The following RSF1 variants were observed in gnomAD, a reference collection of about 807,000 sequenced individuals.
The protein encoded by RSF1 is HBV pX-associated protein 8.
In RSF1, 13 loss-of-function variants were observed where a neutral mutation model predicts 145.2. The ratio of observed to expected loss-of-function variants is 0.09; its 90% CI spans 0.06 to 0.14. The LOEUF is 0.14. Ranked by LOEUF, RSF1 falls within the 10% of genes least tolerant of loss-of-function variation. RSF1 has a pLI of 1.00. For synonymous variants in RSF1, 577 were observed against 592.6 expected (o/e 0.97, Z 0.38); for missense variants, 1,517 against 1,718.2 (o/e 0.88, Z 2.07).
chr11:77,669,163 T>C (rs982776306), intron 15 of RSF1, among the ~76,000 whole-genome samples: 1 of 152,194 alleles, frequency 6.6e-6, no homozygotes, highest in Admixed American at 6.5e-5. Flanking sequence ...AGTAAATCCT[T>C]TGGGTCTCAC....
rs1038061654 is a variant in RSF1, at chr11:77,660,790, C to CA, written c.*6126dup. 5 of 145,124 alleles carry CA rather than the reference C, an allele frequency of 3.4e-5. No homozygotes were observed. The highest frequency in any genetic ancestry group is 1.3e-4 in the African/African-American group (5 of 37,264). 9.0% of individuals were successfully genotyped at this position (145,124 alleles called of 1,614,324 possible). ...AGGCTTCCCTTCTGAATGAGGATAG[C>CA]AAAAAACTGACGCTGGCAACACATG... is the stretch of plus-strand genomic sequence containing the variant. On this transcript the variant is annotated 3_prime_UTR_variant, in exon 16 of 16. Transcript: ENST00000308488.
intron 8 of RSF1, 125 bp downstream of exon 8, chr11:77,693,382 A>C (rs1011854437): frequency 3.6e-6 from 2 of 553,932 alleles, no homozygotes; most frequent in African/African-American, 3.8e-5. Flanking sequence ...GTAGAAATCT[A>C]AACAGAGGTA....
intron 2 of RSF1, among the ~76,000 whole-genome samples, chr11:77,755,995 T>C (rs1948111994): frequency 1.3e-5 from 2 of 152,176 alleles, no homozygotes; most frequent in Non-Finnish European, 2.9e-5. Flanking sequence ...TACAAAGGTA[T>C]TGTTTTTATC....
Position 77,662,868 on chromosome 11 carries a change from A to G in RSF1, c.*4049T>C, listed in dbSNP as rs1190806833. ...ATGAGGAATATATTTTGAGAATGTCAAACATCAGGAGAAACTGTTGTCTAG... is the reference window on the plus strand; with the variant it reads ...ATGAGGAATATATTTTGAGAATGTCGAACATCAGGAGAAACTGTTGTCTAG... On this transcript the variant is annotated 3_prime_UTR_variant, in exon 16 of 16. Transcript: ENST00000308488. The G allele has an allele frequency of 6.6e-6, 1 of 152,202 alleles. No homozygotes were observed. Among genetic ancestry groups the G allele is most frequent in the Non-Finnish European group, 1.5e-5 (1 of 68,028 alleles). 9.4% of individuals were successfully genotyped at this position (152,202 alleles called of 1,614,324 possible).
At chr11:77,745,910 G>C (rs1170158742) in intron 3 of RSF1, among the ~76,000 whole-genome samples, 1 of 151,892 alleles carries the variant, frequency 6.6e-6, no homozygotes, top group East Asian at 1.9e-4. Flanking sequence ...AAAAAAATTT[G>C]TAACACACCC....
At chr11:77,742,013 G>A (rs1947944790) in intron 3 of RSF1, among the ~76,000 whole-genome samples, 1 of 152,190 alleles carries the variant, frequency 6.6e-6, no homozygotes, top group Non-Finnish European at 1.5e-5. Flanking sequence ...CACGAAAGCA[G>A]GAATTTCCTT....
At chr11:77,820,123 TG>T (rs1948841123) in intron 1 of RSF1, among the ~76,000 whole-genome samples, 1 of 151,588 alleles carries the variant, frequency 6.6e-6, no homozygotes. Flanking sequence ...GGAGTAAGGG[TG>T]GGGAGGAGGA....
chr11:77,793,966 T>C (rs751910880), intron 1 of RSF1, among the ~76,000 whole-genome samples: 1 of 152,108 alleles, frequency 6.6e-6, no homozygotes, highest in East Asian at 1.9e-4. Context: ...GATAAAGGGA[T>C]GAATCCAGCA....
intron 1 of RSF1, among the ~76,000 whole-genome samples, chr11:77,804,304 C>T (rs557487764): frequency 2.0e-5 from 3 of 152,172 alleles, no homozygotes; most frequent in South Asian, 4.2e-4. Context: ...TGAGTCATTC[C>T]GGTGAATTAC....
rs1010839287 is a variant in RSF1 at position 77,660,287 on chromosome 11, T to A, written c.*6630A>T. 3.3e-5 allele frequency: 5 copies of A among 152,326 alleles called. No homozygotes were observed. The South Asian group carries it at 1.0e-3, about 32-fold the overall frequency. 9.4% of individuals were successfully genotyped at this position (152,326 alleles called of 1,614,324 possible). On this transcript the variant is annotated 3_prime_UTR_variant, in exon 16 of 16. Coordinates refer to ENST00000308488, the MANE Select transcript of RSF1 (RefSeq NM_016578.4). ...ACTATGCACTGCAATTCTAACACAC[T>A]AGGTGTTCATACACTGAAGTTAACC...
At chr11:77,842,350 A>T in the RSF1 span, 1 of 867,902 alleles carries the variant, frequency 1.2e-6, no homozygotes, top group Non-Finnish European at 1.7e-6. Context: ...TCTAAAGAAG[A>T]AGTAACAACC....
At chr11:77,747,007 A>G (rs779005226) in intron 3 of RSF1, 29 bp downstream of exon 3, 10 of 1,379,936 alleles carry the variant, frequency 7.2e-6, no homozygotes, top group East Asian at 2.4e-5. Flanking sequence ...TTAAATTAAA[A>G]TAACTGTAAC....
At chr11:77,863,691 T>C in the RSF1 span, among the ~76,000 whole-genome samples, 1 of 151,922 alleles carries the variant, frequency 6.6e-6, no homozygotes, top group Non-Finnish European at 1.5e-5. Flanking sequence ...ACCTGGCTGA[T>C]TTTTTATGAG....
chr11:77,755,584 A>AT (rs55731438), intron 2 of RSF1, among the ~76,000 whole-genome samples: 63,983 of 148,030 alleles, frequency 0.43, 13,683 homozygotes, highest in South Asian at 0.61. Context: ...AATCAAGAAG[A>AT]TTTTTTTTTT....
In RSF1 at chr11:77,683,724, T is replaced by C. The variant is rs779043341; in HGVS notation, c.3051A>G (p.Lys1017=). ...ACACTTCATACCTGTAGCTTATACATTTCCTTGTTCTTGTTGACCTCCTTT... is the reference window on the plus strand; with the variant it reads ...ACACTTCATACCTGTAGCTTATACACTTCCTTGTTCTTGTTGACCTCCTTT... The part of the protein sequence containing the change: ...LLERRSTRTR[K]CISYRFDEFD... The change falls in exon 11 of 16, where the codon AAA becomes AAG. Residue 1017 remains lysine (K), a synonymous_variant. Transcript: ENST00000308488. 1.2e-6 allele frequency: 2 copies of C among 1,611,348 alleles called. No individual in the cohort carries two copies. Among genetic ancestry groups the C allele is most frequent in the Non-Finnish European group, 1.7e-6 (2 of 1,178,228 alleles).
chr11:77,846,536 G>A, the RSF1 span, among the ~76,000 whole-genome samples: 8 of 152,182 alleles, frequency 5.3e-5, no homozygotes, highest in African/African-American at 1.4e-4. Flanking sequence ...GAGAAACCCC[G>A]TCTCTACTAA....
intron 2 of RSF1, among the ~76,000 whole-genome samples, chr11:77,752,884 C>T (rs1372001588): frequency 6.6e-6 from 1 of 152,088 alleles, no homozygotes; most frequent in African/African-American, 2.4e-5. Flanking sequence ...AAAGAAGCCA[C>T]CCCAAACCCC....
intron 9 of RSF1, among the ~76,000 whole-genome samples, chr11:77,688,319 C>A (rs911559659): frequency 7.2e-5 from 11 of 152,070 alleles, no homozygotes; most frequent in Admixed American, 3.9e-4. Context: ...AAACAAAATT[C>A]TCTTCCTTAG....
intron 1 of RSF1, among the ~76,000 whole-genome samples, chr11:77,817,785 T>C (rs1457012348): frequency 6.6e-6 from 1 of 152,222 alleles, no homozygotes; most frequent in Non-Finnish European, 1.5e-5. Context: ...TTAACTCTTG[T>C]ACACTACAAC....
Sources: allele counts gnomAD v4.1 joint callset (sites outside exome capture counted in the v4.1 genomes callset), GRCh38; gene constraint gnomAD v4.1.1; transcripts MANE v1.5; gene names NCBI Gene and HGNC (gene_info 2026-07-23, HGNC 2026-07-21).